EYS: variants seen among roughly 807,000 people sequenced by gnomAD.
EYS encodes EGF-like photoreceptor maintenance factor, also known as protein eyes shut homolog.
Under a neutral mutation model 282.1 loss-of-function variants are expected in EYS, and 250 were observed. The observed-to-expected ratio is 0.89, with a 90% CI of 0.80 to 0.98. EYS has a LOEUF of 0.98. Among genes scored for constraint, EYS ranks in the 50% least tolerant of loss-of-function variants. The pLI is 0.00. For missense variants in EYS, 4,016 were observed against 3,709.0 expected (o/e 1.08, Z -2.15); for synonymous variants, 1,355 against 1,282.9 (o/e 1.06, Z -1.20).
intron 29 of EYS, among the ~76,000 whole-genome samples, chr6:64,324,088 TGGG>T (rs1770318450): frequency 6.6e-6 from 1 of 152,152 alleles, no homozygotes; most frequent in Non-Finnish European, 1.5e-5. Context: ...AAACTTGACA[TGGG>T]ATTGTTCAGA....
intron 35 of EYS, among the ~76,000 whole-genome samples, chr6:63,950,846 T>C (rs977839599): frequency 6.6e-6 from 1 of 152,160 alleles, no homozygotes; most frequent in Non-Finnish European, 1.5e-5. Context: ...TTAATTTCAG[T>C]TCCTTTCCTT....
At chr6:63,991,935 A>G (rs992855063) in intron 34 of EYS, among the ~76,000 whole-genome samples, 1 of 151,778 alleles carries the variant, frequency 6.6e-6, no homozygotes, top group Non-Finnish European at 1.5e-5. Flanking sequence ...AAGGGGTGAT[A>G]TATTTAAAGT....
At chr6:64,193,825 T>G (rs1004342764) in intron 31 of EYS, among the ~76,000 whole-genome samples, 2 of 152,144 alleles carry the variant, frequency 1.3e-5, no homozygotes, top group African/African-American at 4.8e-5. Context: ...ACAAAGGACA[T>G]GAACTCATCC....
chr6:64,025,376 C>T (rs1769445316), intron 33 of EYS, among the ~76,000 whole-genome samples: 1 of 152,144 alleles, frequency 6.6e-6, no homozygotes, highest in Non-Finnish European at 1.5e-5. Flanking sequence ...GCGGAACTCT[C>T]AAATGCATGT....
chr6:64,278,631 G>T (rs905466216), intron 30 of EYS, among the ~76,000 whole-genome samples: 9 of 152,032 alleles, frequency 5.9e-5, no homozygotes, highest in African/African-American at 1.7e-4. Flanking sequence ...ATACCAAAAG[G>T]TCATGCCCTG....
intron 12 of EYS, among the ~76,000 whole-genome samples, chr6:65,059,898 C>T (rs963946269): frequency 2.0e-5 from 3 of 151,986 alleles, no homozygotes; most frequent in Non-Finnish European, 4.4e-5. Flanking sequence ...TGATACTCTT[C>T]TAAATTTCTG....
intron 22 of EYS, among the ~76,000 whole-genome samples, chr6:64,727,358 T>A (rs906109918): frequency 2.6e-5 from 4 of 152,180 alleles, no homozygotes; most frequent in African/African-American, 9.6e-5. Flanking sequence ...CTTAAAAAAT[T>A]TATTAGACTT....
rs529038713 is a variant in EYS, at chr6:64,169,985, G to A, written c.6424+60607C>T. The stretch of plus-strand genomic sequence containing the variant: ...ATAAATAGGGAAACGAATATAGACC[G>A]ATGAGGTTTCAATACTATACACCTT... On this transcript the variant is annotated intron_variant, in intron 31 of 42. Coordinates refer to ENST00000503581, the MANE Select transcript of EYS (RefSeq NM_001142800.2). 8.5e-5 allele frequency among the ~76,000 whole-genome samples: 13 copies of A among 152,256 alleles called. No homozygotes were observed. The East Asian group carries it at 2.3e-3, about 27-fold the overall frequency.
chr6:65,371,729 CTCTCTCTCTCTCTGTG>C (rs1278977669), intron 8 of EYS, among the ~76,000 whole-genome samples: 2,184 of 59,354 alleles, frequency 0.037, 34 homozygotes, highest in African/African-American at 0.082. Context: ...CTCTCTCTCT[CTCTCTCTCTCTCTGTG>C]TGTGTGTGTG....
At chr6:65,705,814 A>G (rs145352367) in intron 1 of EYS, among the ~76,000 whole-genome samples, 1 of 152,176 alleles carries the variant, frequency 6.6e-6, no homozygotes, top group East Asian at 1.9e-4. Flanking sequence ...TTTTAGGCCA[A>G]TTAAAACTAT....
intron 22 of EYS, among the ~76,000 whole-genome samples, chr6:64,773,082 G>A (rs988376244): frequency 6.6e-6 from 1 of 151,756 alleles, no homozygotes; most frequent in Non-Finnish European, 1.5e-5. Context: ...CTTCACCCAC[G>A]TTTTCAGAAT....
At chr6:63,996,452 T>C (rs1767841191) in intron 34 of EYS, among the ~76,000 whole-genome samples, 1 of 152,122 alleles carries the variant, frequency 6.6e-6, no homozygotes, top group African/African-American at 2.4e-5. Context: ...ACACATAAAA[T>C]TTTGTTGCTT....
At chr6:64,171,736 T>A (rs760178435) in intron 31 of EYS, among the ~76,000 whole-genome samples, 7 of 152,158 alleles carry the variant, frequency 4.6e-5, no homozygotes, top group Non-Finnish European at 1.0e-4. Flanking sequence ...AAAAAAAGTT[T>A]TAGATGGGTT....
At chr6:65,499,999 TAAG>T (rs1181146158) in intron 2 of EYS, among the ~76,000 whole-genome samples, 1 of 151,464 alleles carries the variant, frequency 6.6e-6, no homozygotes, top group Non-Finnish European at 1.5e-5. Context: ...TCCAAAGAAA[TAAG>T]AATAAAAAGA....
At chr6:64,104,764 T>A (rs796169674) in intron 31 of EYS, among the ~76,000 whole-genome samples, 1,768 of 150,674 alleles carry the variant, frequency 0.012, 36 homozygotes, top group African/African-American at 0.04. Flanking sequence ...TTTTTTTTTT[T>A]AAAGAAATAT....
At chr6:65,475,758 C>CAG (rs991148947) in intron 5 of EYS, among the ~76,000 whole-genome samples, 4 of 149,166 alleles carry the variant, frequency 2.7e-5, no homozygotes, top group African/African-American at 4.9e-5. Flanking sequence ...GACAGACAGA[C>CAG]ACACACACAC....
At chr6:64,670,939 C>T (rs1397192554) in intron 22 of EYS, among the ~76,000 whole-genome samples, 1 of 151,020 alleles carries the variant, frequency 6.6e-6, no homozygotes. Context: ...AAAGTGGAGT[C>T]CTAGACTCTG....
chr6:63,795,058 C>G (rs1770609840), intron 37 of EYS, among the ~76,000 whole-genome samples: 1 of 152,064 alleles, frequency 6.6e-6, no homozygotes, highest in Admixed American at 6.6e-5. Context: ...AATAAAAATC[C>G]TTTTAGAATG....
intron 29 of EYS, among the ~76,000 whole-genome samples, chr6:64,357,613 T>C (rs1018610071): frequency 3.3e-5 from 5 of 151,544 alleles, no homozygotes; most frequent in African/African-American, 1.2e-4. Flanking sequence ...GGAAGCAAAG[T>C]GGTTCAGGCC....
Sources: gnomAD v4.1 joint callset for allele counts (sites outside exome capture counted in the v4.1 genomes callset) on GRCh38, gnomAD v4.1.1 for gene constraint, MANE v1.5 for transcripts, NCBI Gene and HGNC (gene_info 2026-07-23, HGNC 2026-07-21) for gene names.